CACNA2D3: variants seen among roughly 807,000 people sequenced by gnomAD.
CACNA2D3 encodes the protein calcium voltage-gated channel auxiliary subunit alpha2delta 3.
In CACNA2D3, 60 loss-of-function variants were observed where a neutral mutation model predicts 160.6. The ratio of observed to expected loss-of-function variants is 0.37; its 90% CI spans 0.30 to 0.46. The LOEUF is 0.46. Ranked by LOEUF, CACNA2D3 falls within the 20% of genes least tolerant of loss-of-function variation. The pLI, the probability that CACNA2D3 is intolerant of heterozygous loss-of-function variation, is 1.00. For synonymous variants in CACNA2D3, 558 were observed against 492.9 expected, an observed-to-expected ratio of 1.13 and a Z score of -1.75; for missense variants, 1,205 against 1,365.0, an observed-to-expected ratio of 0.88 and a Z score of 1.85.
intron 2 of CACNA2D3, among the ~76,000 whole-genome samples, chr3:54,208,508 A>G (rs1469011587): frequency 6.6e-6 from 1 of 152,140 alleles, no homozygotes; most frequent in Non-Finnish European, 1.5e-5. Flanking sequence ...TGGAATTGTC[A>G]ATCTCTGAAT....
Position 54,623,028 on chromosome 3 carries a change from G to A in CACNA2D3, c.964-4759G>A, listed in dbSNP as rs530810928. On this transcript the variant is annotated intron_variant, in intron 9 of 37. Transcript: ENST00000474759. ...TTAATGCAGGGGAAGCTTTCACGAG[G>A]TATGGTCTCCGCAGCCAGGGTCATT... 3.2e-4 allele frequency among the ~76,000 whole-genome samples: 48 copies of A among 152,322 alleles called. No homozygotes were observed. The East Asian group carries it at 7.3e-3, about 23-fold the overall frequency.
At chr3:54,736,706 A>G (rs1259730600) in intron 11 of CACNA2D3, among the ~76,000 whole-genome samples, 2 of 152,178 alleles carry the variant, frequency 1.3e-5, no homozygotes, top group African/African-American at 2.4e-5. Flanking sequence ...TGCCATGGGT[A>G]GTATTCTGGG....
intron 4 of CACNA2D3, among the ~76,000 whole-genome samples, chr3:54,454,479 A>G (rs1027613510): frequency 1.3e-5 from 2 of 152,144 alleles, no homozygotes; most frequent in Non-Finnish European, 2.9e-5. Context: ...TAATTGACAC[A>G]TAATAATTGT....
intron 4 of CACNA2D3, among the ~76,000 whole-genome samples, chr3:54,426,441 T>G (rs1699913641): frequency 6.6e-6 from 1 of 152,224 alleles, no homozygotes; most frequent in South Asian, 2.1e-4. Context: ...TACACAGTGC[T>G]TTTGTTTCTC....
At chr3:54,884,713 G>A (rs940362545) in intron 21 of CACNA2D3, among the ~76,000 whole-genome samples, 4 of 152,162 alleles carry the variant, frequency 2.6e-5, no homozygotes, top group South Asian at 2.1e-4. Context: ...GCGGATGACC[G>A]TTTTCACTTA....
chr3:54,281,301 T>G (rs1004392068), intron 2 of CACNA2D3, among the ~76,000 whole-genome samples: 2 of 152,198 alleles, frequency 1.3e-5, no homozygotes, highest in African/African-American at 4.8e-5. Context: ...TCACTATATT[T>G]TTATGTAGAT....
intron 2 of CACNA2D3, among the ~76,000 whole-genome samples, chr3:54,292,348 A>AT (rs1703228440): frequency 6.6e-6 from 1 of 152,164 alleles, no homozygotes; most frequent in Non-Finnish European, 1.5e-5. Context: ...ATAGAAATTA[A>AT]TTTTTTTGTG....
rs538928338 is a variant in CACNA2D3, at chr3:55,049,620, C to A, written c.2988-23825C>A. Among the ~76,000 whole-genome samples the A allele has an allele frequency of 2.2e-4, 32 of 148,622 alleles. No homozygotes were observed. The South Asian group carries it at 6.9e-3, about 32-fold the overall frequency. ...GAGTTCTGTAGATGTCTACTAGGTC[C>A]GCTTGGTGCAGAGCTGAGTTCAATT... is the stretch of plus-strand genomic sequence containing the variant. On this transcript the variant is annotated intron_variant, in intron 35 of 37. Transcript: ENST00000474759.
intron 35 of CACNA2D3, among the ~76,000 whole-genome samples, chr3:55,018,628 T>C (rs961403215): frequency 2.0e-5 from 3 of 152,052 alleles, no homozygotes; most frequent in Non-Finnish European, 2.9e-5. Flanking sequence ...ATTTGAACTG[T>C]GTGTTCAAGA....
chr3:54,452,466 G>A (rs972923415), intron 4 of CACNA2D3, among the ~76,000 whole-genome samples: 4 of 152,222 alleles, frequency 2.6e-5, no homozygotes, highest in Admixed American at 6.5e-5. Flanking sequence ...TAAGATGATA[G>A]TAGCTCTTTC....
At position 54,503,346 on chromosome 3, in the gene CACNA2D3, G is replaced by A. The variant is rs185741420; in HGVS notation, c.382-146G>A. On this transcript the variant is annotated intron_variant, in intron 4 of 37. Coordinates refer to ENST00000474759, the MANE Select transcript of CACNA2D3 (RefSeq NM_018398.3). ...ATCTCACCCATGCAAAAGCAGCCATGGACAGTACATAAGACATAAAAAGAT... is the reference window on the plus strand; with the variant it reads ...ATCTCACCCATGCAAAAGCAGCCATAGACAGTACATAAGACATAAAAAGAT... 7.3e-4 allele frequency: 467 copies of A among 642,746 alleles called. 1 individual carries two copies. In the East Asian group the frequency reaches 0.01, roughly 14 times the overall value. The allele number at this position is 642,746 out of a possible 1,614,324, so 39.8% of individuals were successfully genotyped here.
At chr3:54,749,333 A>G (rs1258997442) in intron 11 of CACNA2D3, among the ~76,000 whole-genome samples, 3 of 152,236 alleles carry the variant, frequency 2.0e-5, no homozygotes, top group Non-Finnish European at 2.9e-5. Context: ...CTATCAATAA[A>G]GACTTAGAAT....
intron 16 of CACNA2D3, among the ~76,000 whole-genome samples, chr3:54,842,673 T>G (rs1698843552): frequency 6.6e-6 from 1 of 151,358 alleles, no homozygotes; most frequent in Non-Finnish European, 1.5e-5. Flanking sequence ...CGATCTTGGC[T>G]CACTGCAACC....
At chr3:54,814,936 C>G (rs1703414041) in intron 13 of CACNA2D3, among the ~76,000 whole-genome samples, 1 of 152,222 alleles carries the variant, frequency 6.6e-6, no homozygotes, top group Non-Finnish European at 1.5e-5. Context: ...CTCATGGCCC[C>G]TTGCTTTCAC....
intron 4 of CACNA2D3, among the ~76,000 whole-genome samples, chr3:54,387,427 G>A (rs1422394447): frequency 2.0e-5 from 3 of 152,180 alleles, no homozygotes; most frequent in African/African-American, 7.2e-5. Flanking sequence ...TGAGGCAGGT[G>A]CATCGCTTGA....
intron 4 of CACNA2D3, among the ~76,000 whole-genome samples, chr3:54,498,993 GA>G (rs1363850300): frequency 6.6e-6 from 1 of 151,962 alleles, no homozygotes; most frequent in Admixed American, 6.6e-5. Flanking sequence ...ATAGTATGTG[GA>G]TTTCAGTCAT....
rs144260029 is a variant in CACNA2D3 at position 54,392,344 on chromosome 3, G to A, written c.381+5570G>A. 7.3e-4 allele frequency among the ~76,000 whole-genome samples: 111 copies of A among 152,236 alleles called. No individual in the cohort carries two copies. In the Middle Eastern group the frequency reaches 0.01, roughly 14 times the overall value. ...CCTTTTGACAGTTTACTAAAAACCT[G>A]CTTATCTTTGAACCACAAACATATT... On this transcript the variant is annotated intron_variant, in intron 4 of 37. Coordinates refer to ENST00000474759, the MANE Select transcript of CACNA2D3 (RefSeq NM_018398.3).
At chr3:54,903,056 T>C (rs549448655) in intron 27 of CACNA2D3, among the ~76,000 whole-genome samples, 1 of 152,220 alleles carries the variant, frequency 6.6e-6, no homozygotes, top group Non-Finnish European at 1.5e-5. Flanking sequence ...AATTTTTTTT[T>C]ATTTAACTTT....
At chr3:55,000,212 A>G (rs940098193) in intron 31 of CACNA2D3, among the ~76,000 whole-genome samples, 2 of 152,224 alleles carry the variant, frequency 1.3e-5, no homozygotes, top group African/African-American at 4.8e-5. Flanking sequence ...AATCAGCCGA[A>G]CAGGATACAG....
Sources: gnomAD v4.1 joint callset for allele counts (sites outside exome capture counted in the v4.1 genomes callset) on GRCh38, gnomAD v4.1.1 for gene constraint, MANE v1.5 for transcripts, NCBI Gene and HGNC (gene_info 2026-07-23, HGNC 2026-07-21) for gene names.